Variants in TATDN2 observed in about 807,000 individuals in gnomAD.
TATDN2 encodes 3'-5' RNA nuclease TATDN2.
TATDN2 carries 44 observed loss-of-function variants against 60.3 expected under a neutral mutation model. The observed-to-expected ratio is 0.73, with a 90% CI of 0.57 to 0.94. The LOEUF is 0.94. Ranked by LOEUF, TATDN2 falls within the 40% of genes least tolerant of loss-of-function variation. The pLI, the probability that TATDN2 is intolerant of heterozygous loss-of-function variation, is 0.00. For missense variants in TATDN2, 997 were observed against 948.0 expected, an observed-to-expected ratio of 1.05 and a Z score of -0.68; for synonymous variants, 399 against 355.8, an observed-to-expected ratio of 1.12 and a Z score of -1.37.
In TATDN2 at chr3:10,248,825, T is replaced by TA. The variant is rs1559457692; in HGVS notation, c.-249_-248insA. 2.5e-5 allele frequency: 1 copy of TA among 39,252 alleles called. No individual in the cohort carries two copies. The highest frequency in any genetic ancestry group is 3.8e-5 in the Non-Finnish European group (1 of 26,410). The allele number at this position is 39,252 out of a possible 1,614,324, so 2.4% of individuals were successfully genotyped here. A position where few individuals can be genotyped will look rare whatever the true frequency, so the allele number is the denominator to read the frequency against. ...AGCGCCATGTGGTCTTCTGAAGCGC[T>TA]TGACAGTTCTAAAGGGCTTTATATT... is the stretch of plus-strand genomic sequence containing the variant. On this transcript the variant is annotated 5_prime_UTR_variant, in exon 1 of 8. It adds an upstream start codon to the 5' untranslated region. Transcript: ENST00000448281.
chr3:10,268,988 G>A (rs1698518230), intron 3 of TATDN2, among the ~76,000 whole-genome samples: 2 of 152,184 alleles, frequency 1.3e-5, no homozygotes, highest in African/African-American at 4.8e-5. Flanking sequence ...CTAGACTGGG[G>A]CAGGTGTTTC....
intron 2 of TATDN2, among the ~76,000 whole-genome samples, chr3:10,255,308 C>T (rs936580244): frequency 6.6e-6 from 1 of 151,962 alleles, no homozygotes; most frequent in Non-Finnish European, 1.5e-5. Context: ...GCCACCATGC[C>T]CAGCCAACAG....
chr3:10,262,206 C>T (rs763871332), intron 3 of TATDN2, among the ~76,000 whole-genome samples: 2 of 152,146 alleles, frequency 1.3e-5, no homozygotes, highest in African/African-American at 2.4e-5. Context: ...CTGCTCTGGT[C>T]TGGACTGCCT....
chr3:10,270,136 A>G lies in TATDN2; in HGVS notation c.954A>G (p.Lys318=). 1 of 1,610,242 alleles carries G rather than the reference A, an allele frequency of 6.2e-7. No individual in the cohort carries two copies. ...GTATGCCTTCTTTTCTGCAGCATAA[A>G]GATAGGGAGGTGGTGATGGAGCACC... ...SDSHLEIQKH[K]DREVVMEHPS... Residue 318 remains lysine (K), a synonymous_variant, in exon 4 of 8, where the codon AAA becomes AAG. Transcript: ENST00000448281.
rs1475175275 is a variant in TATDN2, at chr3:10,260,792, A to G, written c.948+122A>G. On this transcript the variant is annotated intron_variant, in intron 3 of 7. Transcript: ENST00000448281. ...TAGTACTTTACTTAACCAGGCCTCC[A>G]GGGAACAAACTGATGGTTTTCTTCT... 8.5e-6 allele frequency: 10 copies of G among 1,172,864 alleles called. 1 individual carries two copies. The highest frequency in any genetic ancestry group is 7.3e-5 in the East Asian group (3 of 40,832). The allele number at this position is 1,172,864 out of a possible 1,614,324, so 72.7% of individuals were successfully genotyped here.
rs1173345201 is a variant in TATDN2 at position 10,276,485 on chromosome 3, ATAGGT to A, written c.1961+1_1961+5del. On this transcript the variant is annotated splice_donor_variant and coding_sequence_variant, in exon 5 of 8. Transcript: ENST00000448281. LOFTEE classifies it high-confidence loss of function. ...TTTGTGCCCCCTGACTACAAGATCCATAGGTTAGAAGACTGGAACTTCAGCGGGCA... is the reference window on the plus strand; with the variant it reads ...TTTGTGCCCCCTGACTACAAGATCCATAGAAGACTGGAACTTCAGCGGGCA... The A allele has an allele frequency of 6.2e-7, 1 of 1,613,828 alleles. No individual in the cohort carries two copies. Among genetic ancestry groups the A allele is most frequent in the Non-Finnish European group, 8.5e-7 (1 of 1,179,904 alleles).
Position 10,249,247 on chromosome 3 carries a change from CGGAA to C in TATDN2, c.50_53del (p.Glu17GlyfsTer38). The C allele has an allele frequency of 6.4e-7, 1 of 1,563,238 alleles. No homozygotes were observed. Among genetic ancestry groups the C allele is most frequent in the Non-Finnish European group, 8.7e-7 (1 of 1,153,204 alleles). ...GTCAAGCACAACTGGAGCAGCACGT[CGGAA>C]GGGTGTCCCCGCAAGCGCAGCTGCC... is the stretch of plus-strand genomic sequence containing the variant. On this transcript the variant is annotated frameshift_variant, in exon 2 of 8. Transcript: ENST00000448281. LOFTEE classifies it high-confidence loss of function.
intron 4 of TATDN2, among the ~76,000 whole-genome samples, chr3:10,276,044 G>C (rs895796606): frequency 3.3e-5 from 5 of 152,204 alleles, no homozygotes; most frequent in African/African-American, 1.2e-4. Flanking sequence ...AGTGGTTACT[G>C]TGTGGAATGC....
At chr3:10,268,054 A>C (rs553211529) in intron 3 of TATDN2, among the ~76,000 whole-genome samples, 1 of 152,326 alleles carries the variant, frequency 6.6e-6, no homozygotes, top group Admixed American at 6.5e-5. Context: ...GGAAATTGCA[A>C]ACATTCAAAG....
chr3:10,268,212 A>G (rs1322189058), intron 3 of TATDN2, among the ~76,000 whole-genome samples: 2 of 152,260 alleles, frequency 1.3e-5, no homozygotes, highest in African/African-American at 4.8e-5. Flanking sequence ...AGTAGCTGTG[A>G]GAAGTCTAAG....
rs1698715623 is a variant in TATDN2 at position 10,280,362 on chromosome 3, G to C, written c.*1180G>C. 6.5e-6 allele frequency: 1 copy of C among 153,812 alleles called. No individual in the cohort carries two copies. Among genetic ancestry groups the C allele is most frequent in the Admixed American group, 6.5e-5 (1 of 15,288 alleles). 9.5% of individuals were successfully genotyped at this position (153,812 alleles called of 1,614,324 possible). On this transcript the variant is annotated 3_prime_UTR_variant, in exon 8 of 8. Transcript: ENST00000448281. The stretch of plus-strand genomic sequence containing the variant: ...GCAACTGAGTCATCTCAAGTCCTGA[G>C]CTCTGCTCTGCCGCCTGCTGGTGCC...
chr3:10,265,399 T>A (rs1698463055), intron 3 of TATDN2, among the ~76,000 whole-genome samples: 1 of 136 alleles, frequency 7.4e-3, no homozygotes, highest in African/African-American at 0.024. Context: ...ATTAAAAATT[T>A]TAGCTGGGCG....
At chr3:10,266,984 A>AGTTG (rs1698486511) in intron 3 of TATDN2, among the ~76,000 whole-genome samples, 1 of 144,408 alleles carries the variant, frequency 6.9e-6, no homozygotes, top group African/African-American at 2.6e-5. Context: ...AGGTTGGAGT[A>AGTTG]CAGTGGCTCA....
chr3:10,276,953 T>C (rs1698646759), intron 5 of TATDN2, among the ~76,000 whole-genome samples: 1 of 135,174 alleles, frequency 7.4e-6, no homozygotes. Context: ...ATATTTGACC[T>C]TTTTTTTTTT....
At chr3:10,263,084 A>T (rs527576743) in intron 3 of TATDN2, among the ~76,000 whole-genome samples, 2 of 152,136 alleles carry the variant, frequency 1.3e-5, no homozygotes, top group African/African-American at 4.8e-5. Flanking sequence ...TATTTTTAGT[A>T]GAGATGGGGT....
intron 2 of TATDN2, among the ~76,000 whole-genome samples, chr3:10,252,147 CAA>C (rs35469402): frequency 2.8e-4 from 18 of 63,288 alleles, no homozygotes; most frequent in Admixed American, 5.6e-4. Flanking sequence ...GACTCAGTCT[CAA>C]AAAAAAAAAA....
chr3:10,265,033 T>TC (rs1488125785), intron 3 of TATDN2, among the ~76,000 whole-genome samples: 4 of 146,116 alleles, frequency 2.7e-5, no homozygotes, highest in Admixed American at 1.4e-4. Flanking sequence ...TTTTTTTTTT[T>TC]CCTGTGCGTG....
chr3:10,253,544 CTG>C (rs997321133), intron 2 of TATDN2, among the ~76,000 whole-genome samples: 4 of 152,180 alleles, frequency 2.6e-5, no homozygotes, highest in African/African-American at 9.7e-5. Flanking sequence ...AGGAGACTAA[CTG>C]TGTGACGAGC....
Position 10,276,479 on chromosome 3 carries a change from A to G in TATDN2, c.1952A>G (p.Lys651Arg), listed in dbSNP as rs758850552. The G allele has an allele frequency of 6.2e-6, 10 of 1,614,088 alleles. No homozygotes were observed. Among genetic ancestry groups the G allele is most frequent in the Non-Finnish European group, 7.6e-6 (9 of 1,179,968 alleles). The change falls in exon 5 of 8, where the codon AAG (lysine) becomes AGG (arginine). Residue 651 changes from lysine (K) to arginine (R), a missense_variant. Lys to Arg is a conservative substitution (Grantham distance 26). Coordinates refer to ENST00000448281, the MANE Select transcript of TATDN2 (RefSeq NM_014760.4). ...IMKKFVPPDYKIHRHCFTGSY... is the reference protein window; with the variant it reads ...IMKKFVPPDYRIHRHCFTGSY... Reference sequence around the variant, plus strand: ...AAAAAGTTTGTGCCCCCTGACTACAAGATCCATAGGTTAGAAGACTGGAAC... The same window carrying G: ...AAAAAGTTTGTGCCCCCTGACTACAGGATCCATAGGTTAGAAGACTGGAAC...
Sources: allele counts gnomAD v4.1 joint callset (sites outside exome capture counted in the v4.1 genomes callset), GRCh38; gene constraint gnomAD v4.1.1; transcripts MANE v1.5; gene names NCBI Gene and HGNC (gene_info 2026-07-23, HGNC 2026-07-21).